Variants in ECPAS observed in about 807,000 individuals in gnomAD.
ECPAS encodes the protein proteasome adapter and scaffold protein ECM29.
A neutral mutation model predicts 255.1 loss-of-function variants in ECPAS; 70 were observed. The observed-to-expected ratio is 0.27, with a 90% confidence interval of 0.23 to 0.33. The LOEUF is 0.33. Ranked by LOEUF, ECPAS falls within the 10% of genes least tolerant of loss-of-function variation. The probability of loss-of-function intolerance (pLI) is 1.00; values close to 1 mark genes in which losing one functional copy is unlikely to be tolerated. For missense variants in ECPAS, 1,817 were observed against 2,206.4 expected (o/e 0.82, Z 3.54); for synonymous variants, 784 against 775.0 (o/e 1.01, Z -0.19).
At chr9:111,462,278 G>A (rs2098274078) in intron 2 of ECPAS, among the ~76,000 whole-genome samples, 1 of 152,148 alleles carries the variant, frequency 6.6e-6, no homozygotes, top group South Asian at 2.1e-4. Context: ...TAACTGTGGA[G>A]CTGGAAATAA....
intron 45 of ECPAS, 44 bp from the exon 46 acceptor site, chr9:111,369,217 A>G (rs967173854): frequency 5.6e-6 from 8 of 1,428,370 alleles, no homozygotes; most frequent in Non-Finnish European, 7.4e-6. Flanking sequence ...TTTCTTCTTC[A>G]AAGTTACAGG....
intron 32 of ECPAS, among the ~76,000 whole-genome samples, chr9:111,385,740 G>A (rs928898556): frequency 1.6e-4 from 25 of 152,212 alleles, no homozygotes; most frequent in Admixed American, 5.9e-4. Flanking sequence ...ACTGGGCACC[G>A]AATGAATCTA....
intron 9 of ECPAS, among the ~76,000 whole-genome samples, chr9:111,428,757 A>G (rs1272988286): frequency 6.6e-6 from 1 of 152,188 alleles, no homozygotes; most frequent in Non-Finnish European, 1.5e-5. Context: ...AAAATGAAAA[A>G]AAAAAGGTTA....
intron 25 of ECPAS, among the ~76,000 whole-genome samples, chr9:111,394,539 C>T (rs2098164914): frequency 6.6e-6 from 1 of 152,142 alleles, no homozygotes. Context: ...AGAATGAAAA[C>T]TTATCCCTAA....
chr9:111,411,728 G>C (rs2098194772), intron 21 of ECPAS: 2 of 286,928 alleles, frequency 7.0e-6, no homozygotes, highest in East Asian at 1.5e-4. Flanking sequence ...TGTTCACGGT[G>C]GTACGGCTGC....
At position 111,371,741 on chromosome 9, in the gene ECPAS, G is replaced by A; in HGVS notation, c.4617C>T (p.Ala1539=). Reference sequence around the variant, plus strand: ...TTGATGCCATGGCAATTGCACCCTGGGCTTTCATTTTCCAGGACTGAGACT... The same window carrying A: ...TTGATGCCATGGCAATTGCACCCTGAGCTTTCATTTTCCAGGACTGAGACT... ...ALQSQSWKMK[A]QGAIAMASIA... Residue 1539 remains alanine, a synonymous_variant, in exon 43 of 50, where the codon GCC becomes GCT. Transcript: ENST00000684092. The A allele has an allele frequency of 6.2e-7, 1 of 1,613,822 alleles. No homozygotes were observed. Among genetic ancestry groups the A allele is most frequent in the Non-Finnish European group, 8.5e-7 (1 of 1,179,792 alleles).
At chr9:111,383,965 T>G (rs1260626962) in intron 34 of ECPAS, among the ~76,000 whole-genome samples, 2 of 86,118 alleles carry the variant, frequency 2.3e-5, no homozygotes, top group African/African-American at 9.9e-5. Flanking sequence ...AGTTTTGAAG[T>G]GTTATCATCA....
At chr9:111,448,622 T>C (rs752010397) in intron 3 of ECPAS, among the ~76,000 whole-genome samples, 5 of 152,254 alleles carry the variant, frequency 3.3e-5, no homozygotes, top group African/African-American at 4.8e-5. Flanking sequence ...ATGTTACTAA[T>C]GAATGGCCTT....
intron 20 of ECPAS, among the ~76,000 whole-genome samples, chr9:111,413,095 T>C (rs1025020927): frequency 3.9e-5 from 6 of 152,340 alleles, no homozygotes; most frequent in East Asian, 1.9e-4. Context: ...GAAGTGTACA[T>C]TGGTACCACA....
rs570515317 is a variant in ECPAS, at chr9:111,477,856, A to G, written c.-82-4856T>C. ...TTGTGAAAGGATAACAAATGCTAACAATAACAAGTCTCACCCCAAAATTAA... is the reference window on the plus strand; with the variant it reads ...TTGTGAAAGGATAACAAATGCTAACGATAACAAGTCTCACCCCAAAATTAA... On this transcript the variant is annotated intron_variant, in intron 1 of 49. Coordinates refer to ENST00000684092, the MANE Select transcript of ECPAS (RefSeq NM_001364929.1). Among the ~76,000 whole-genome samples, 391 of 152,198 alleles carry G rather than the reference A, an allele frequency of 2.6e-3. 1 individual carries two copies. Among genetic ancestry groups the G allele is most frequent in the Non-Finnish European group, 4.6e-3 (314 of 68,006 alleles).
intron 3 of ECPAS, 34 bp from the exon 4 acceptor site, chr9:111,444,528 G>T: frequency 1.5e-6 from 2 of 1,374,760 alleles, no homozygotes; most frequent in South Asian, 1.2e-5. Context: ...TAAAGTTATT[G>T]ATCATATCTT....
intron 3 of ECPAS, among the ~76,000 whole-genome samples, chr9:111,446,370 T>C (rs1327042953): frequency 3.3e-5 from 5 of 152,164 alleles, no homozygotes; most frequent in Admixed American, 3.3e-4. Flanking sequence ...TAGAAGGCCT[T>C]GCCTAAGAAA....
chr9:111,408,721 T>TATAAA, intron 23 of ECPAS, 49 bp from the exon 24 acceptor site: 1 of 1,128,996 alleles, frequency 8.9e-7, no homozygotes, highest in Non-Finnish European at 1.3e-6. Context: ...TATAATAGCT[T>TATAAA]TACCCCAGTG....
chr9:111,456,331 G>A (rs1040763542), intron 2 of ECPAS, among the ~76,000 whole-genome samples: 3 of 152,194 alleles, frequency 2.0e-5, no homozygotes, highest in African/African-American at 7.2e-5. Flanking sequence ...AAAGCACAGT[G>A]AGTTTTAAGG....
chr9:111,363,399 T>C (rs1371079638), intron 49 of ECPAS, among the ~76,000 whole-genome samples, 189 bp downstream of exon 49: 1 of 152,172 alleles, frequency 6.6e-6, no homozygotes, highest in African/African-American at 2.4e-5. Flanking sequence ...TATATAAAAG[T>C]GTATCAAATT....
In ECPAS at chr9:111,377,687, G is replaced by A. The variant is rs74308675; in HGVS notation, c.3954+893C>T. Among the ~76,000 whole-genome samples, 12 of 152,320 alleles carry A rather than the reference G, an allele frequency of 7.9e-5. No individual in the cohort carries two copies. The East Asian group carries it at 2.3e-3, about 29-fold the overall frequency. On this transcript the variant is annotated intron_variant, in intron 36 of 49. Transcript: ENST00000684092. ...ATTAGTATGTTTGTTTGGTTTGGTA[G>A]CCTATGACTAAAAAGGAATTTGAGA...
rs1385414987 is a variant in ECPAS at position 111,373,955 on chromosome 9, T to C, written c.4177+17A>G. ...GGCTGTGCAAAAATATCACCACACA[T>C]CCCTTGACAAACTCACCTGAGTAAG... is the stretch of plus-strand genomic sequence containing the variant. On this transcript the variant is annotated intron_variant, in intron 39 of 49. Transcript: ENST00000684092. 2 of 1,592,592 alleles carry C rather than the reference T, an allele frequency of 1.3e-6. No homozygotes were observed. Among genetic ancestry groups the C allele is most frequent in the African/African-American group, 2.7e-5 (2 of 74,486 alleles).
intron 39 of ECPAS, 32 bp from the exon 40 acceptor site, chr9:111,373,438 C>T: frequency 6.4e-7 from 1 of 1,573,974 alleles, no homozygotes; most frequent in Non-Finnish European, 8.7e-7. Flanking sequence ...AAATCTGATA[C>T]TTGGTTGACC....
In ECPAS at chr9:111,362,176, GAAAA is replaced by G; in HGVS notation, c.5381-11_5381-8del. On this transcript the variant is annotated splice_region_variant and splice_polypyrimidine_tract_variant and intron_variant, in intron 49 of 49. Transcript: ENST00000684092. Reference sequence around the variant, plus strand: ...CATTCCCACTGTTTAGATTCTGCATGAAAAAAAAAAAACAAAAACAAAAAAAACA... The same window carrying G: ...CATTCCCACTGTTTAGATTCTGCATGAAAAAAAACAAAAACAAAAAAAACA... The G allele has an allele frequency of 8.4e-7, 1 of 1,187,926 alleles. No individual in the cohort carries two copies. The allele number at this position is 1,187,926 out of a possible 1,614,324, so 73.6% of individuals were successfully genotyped here.
Sources: allele counts gnomAD v4.1 joint callset (sites outside exome capture counted in the v4.1 genomes callset), GRCh38; gene constraint gnomAD v4.1.1; transcripts MANE v1.5; gene names NCBI Gene and HGNC (gene_info 2026-07-23, HGNC 2026-07-21).